The following PPP1R1C variants were observed in gnomAD, a reference collection of about 807,000 sequenced individuals.
The protein encoded by PPP1R1C is protein phosphatase 1 regulatory subunit 1C.
A neutral mutation model predicts 17.4 loss-of-function variants in PPP1R1C; 15 were observed. The ratio of observed to expected loss-of-function variants is 0.86; its 90% CI spans 0.58 to 1.33. The LOEUF (loss-of-function observed/expected upper bound fraction) is 1.33, where lower values mean the gene tolerates loss of function less well. PPP1R1C is among the 40% of genes most tolerant of loss of function. PPP1R1C has a pLI of 0.00. For missense variants in PPP1R1C, 143 were observed against 130.0 expected (o/e 1.10, Z -0.48); for synonymous variants, 35 against 43.1 (o/e 0.81, Z 0.73).
chr2:181,995,783 G>A (rs536941509), intron 2 of PPP1R1C, among the ~76,000 whole-genome samples: 8 of 150,702 alleles, frequency 5.3e-5, no homozygotes, highest in Non-Finnish European at 1.0e-4. Flanking sequence ...TCAGGAGCAA[G>A]CCCTGGAGCC....
At chr2:182,100,247 C>T (rs536678403) in intron 4 of PPP1R1C, among the ~76,000 whole-genome samples, 96 of 152,198 alleles carry the variant, frequency 6.3e-4, no homozygotes, top group African/African-American at 1.9e-3. Flanking sequence ...CGTAGTGGCT[C>T]ACCCCTGTAG....
Position 181,970,305 on chromosome 2 carries a change from G to A in PPP1R1C, n.112-4914G>A, listed in dbSNP as rs529154607. ...GCTTTCAGGGTATTTGAAGGGACTT[G>A]CATGTTGTGATCTAAGATATTGGTC... is the stretch of plus-strand genomic sequence containing the variant. On this transcript the variant is annotated intron_variant and non_coding_transcript_variant, in intron 1 of 5. Coordinates refer to the PPP1R1C transcript ENST00000464264. 2.6e-5 allele frequency among the ~76,000 whole-genome samples: 4 copies of A among 152,252 alleles called. No individual in the cohort carries two copies. In the South Asian group the frequency reaches 8.3e-4, roughly 32 times the overall value.
chr2:182,032,217 G>A (rs905332628), intron 2 of PPP1R1C, among the ~76,000 whole-genome samples: 1 of 152,166 alleles, frequency 6.6e-6, no homozygotes, highest in Non-Finnish European at 1.5e-5. Flanking sequence ...ATCTAAAGAA[G>A]AGTTAACATA....
chr2:182,122,762 A>C (rs1274526626), intron 5 of PPP1R1C, among the ~76,000 whole-genome samples: 1 of 152,212 alleles, frequency 6.6e-6, no homozygotes, highest in Non-Finnish European at 1.5e-5. Flanking sequence ...TAAATCAAGT[A>C]GGTGAAGTGT....
At chr2:181,982,502 G>A (rs1178506692), upstream of PPP1R1C, among the ~76,000 whole-genome samples, 1 of 152,066 alleles carries the variant, frequency 6.6e-6, no homozygotes, top group African/African-American at 2.4e-5. Flanking sequence ...AGGAGAAGAG[G>A]CAAAAGAAAC....
chr2:182,029,652 C>T (rs1197050826), intron 2 of PPP1R1C, among the ~76,000 whole-genome samples: 2 of 121,694 alleles, frequency 1.6e-5, no homozygotes, highest in Non-Finnish European at 3.4e-5. Context: ...AACATTTTTT[C>T]CTTCATTTCA....
intron 4 of PPP1R1C, among the ~76,000 whole-genome samples, chr2:182,086,024 T>A (rs1467392299): frequency 6.6e-6 from 1 of 152,062 alleles, no homozygotes; most frequent in Non-Finnish European, 1.5e-5. Flanking sequence ...GAAATATAAA[T>A]ATATTTACAA....
intron 2 of PPP1R1C, among the ~76,000 whole-genome samples, chr2:182,006,689 A>G (rs1309409917): frequency 1.3e-5 from 2 of 152,352 alleles, no homozygotes; most frequent in East Asian, 3.9e-4. Context: ...ACGTGTGTGA[A>G]GCCATGTGCC....
downstream of PPP1R1C, among the ~76,000 whole-genome samples, chr2:182,120,991 T>C (rs1396582303): frequency 1.3e-5 from 2 of 152,212 alleles, no homozygotes; most frequent in African/African-American, 4.8e-5. Flanking sequence ...GTTGACTTTC[T>C]CAGAAATTTG....
intron 4 of PPP1R1C, among the ~76,000 whole-genome samples, chr2:182,079,721 C>T (rs1196152): frequency 0.43 from 65,618 of 151,956 alleles, 14,451 homozygotes; most frequent in Admixed American, 0.47. Context: ...TGTCTAAAAA[C>T]CAAGGTATCA....
chr2:182,126,560 T>TAAACATCTCACGTAATATGTGAGATGC (rs560235214), intron 5 of PPP1R1C, among the ~76,000 whole-genome samples: 14 of 152,108 alleles, frequency 9.2e-5, no homozygotes, highest in Middle Eastern at 3.4e-3. Context: ...TTTAAGTGAG[T>TAAACATCTCACGTAATATGTGAGATGC]AAACATCTCA....
intron 2 of PPP1R1C, among the ~76,000 whole-genome samples, chr2:182,010,875 A>G (rs1686070822): frequency 6.6e-6 from 1 of 152,068 alleles, no homozygotes; most frequent in Non-Finnish European, 1.5e-5. Flanking sequence ...ATCAATTGCA[A>G]TGATCATATG....
intron 4 of PPP1R1C, among the ~76,000 whole-genome samples, chr2:182,100,908 G>T (rs146459430): frequency 6.6e-6 from 1 of 152,182 alleles, no homozygotes; most frequent in Non-Finnish European, 1.5e-5. Flanking sequence ...AGAGGACAAG[G>T]CTGCATAAGA....
intron 2 of PPP1R1C, among the ~76,000 whole-genome samples, chr2:182,003,273 C>T (rs953626896): frequency 2.6e-5 from 4 of 152,134 alleles, no homozygotes; most frequent in African/African-American, 9.7e-5. Flanking sequence ...AACTATAACA[C>T]TTAGATTTCT....
At chr2:182,001,400 A>G (rs1431126108) in intron 2 of PPP1R1C, among the ~76,000 whole-genome samples, 2 of 152,170 alleles carry the variant, frequency 1.3e-5, no homozygotes, top group Non-Finnish European at 2.9e-5. Context: ...AATTATTCAC[A>G]TCTGATTTTA....
chr2:182,099,923 C>A (rs560046277), intron 4 of PPP1R1C, among the ~76,000 whole-genome samples: 3 of 152,180 alleles, frequency 2.0e-5, no homozygotes, highest in African/African-American at 2.4e-5. Flanking sequence ...CTCTGACCTG[C>A]AAGTCTATGA....
intron 2 of PPP1R1C, among the ~76,000 whole-genome samples, chr2:182,000,319 G>A (rs553549416): frequency 6.6e-6 from 1 of 152,268 alleles, no homozygotes; most frequent in South Asian, 2.1e-4. Context: ...CTAAAGTGTG[G>A]GGAAAGGTGA....
intron 4 of PPP1R1C, among the ~76,000 whole-genome samples, chr2:182,071,774 T>A (rs1168159386): frequency 1.3e-5 from 2 of 152,250 alleles, no homozygotes; most frequent in Non-Finnish European, 2.9e-5. Flanking sequence ...AACTCAATAC[T>A]ATATTACTTA....
chr2:181,990,301 G>A (rs1178116940), intron 2 of PPP1R1C, among the ~76,000 whole-genome samples: 1 of 150,806 alleles, frequency 6.6e-6, no homozygotes, highest in Non-Finnish European at 1.5e-5. Context: ...ACCACGCCCG[G>A]CTAATTTTTT....
Sources: gnomAD v4.1 joint callset for allele counts (sites outside exome capture counted in the v4.1 genomes callset) on GRCh38, gnomAD v4.1.1 for gene constraint, MANE v1.5 for transcripts, NCBI Gene and HGNC (gene_info 2026-07-23, HGNC 2026-07-21) for gene names.